MAP3K2: variants seen among roughly 807,000 people sequenced by gnomAD.
MAP3K2 encodes mitogen-activated protein kinase kinase kinase 2.
MAP3K2 carries 24 observed loss-of-function variants against 80.3 expected under a neutral mutation model. The ratio of observed to expected loss-of-function variants is 0.30; its 90% CI spans 0.22 to 0.42. The LOEUF is 0.42. MAP3K2 is among the 10% of genes least tolerant of loss of function. The pLI, the probability that MAP3K2 is intolerant of heterozygous loss-of-function variation, is 1.00. For missense variants in MAP3K2, 608 were observed against 750.1 expected, an observed-to-expected ratio of 0.81 and a Z score of 2.21; for synonymous variants, 244 against 253.7, an observed-to-expected ratio of 0.96 and a Z score of 0.36.
intron 12 of MAP3K2, 89 bp from the exon 13 acceptor site, chr2:127,318,406 T>C: frequency 1.2e-5 from 11 of 956,198 alleles, no homozygotes; most frequent in Non-Finnish European, 1.6e-5. Flanking sequence ...ATTAGTGACA[T>C]CCTTCATTGA....
intron 2 of MAP3K2, among the ~76,000 whole-genome samples, chr2:127,340,166 A>G (rs999452893): frequency 3.9e-5 from 6 of 152,220 alleles, no homozygotes; most frequent in African/African-American, 1.2e-4. Flanking sequence ...TAATTTATTA[A>G]TATTTCCAGG....
intron 1 of MAP3K2, chr2:127,378,239 C>A: frequency 1.6e-6 from 1 of 608,710 alleles, no homozygotes; most frequent in Non-Finnish European, 2.1e-6. Flanking sequence ...TGAAACAAAA[C>A]TGGTACATTA....
At chr2:127,372,634 G>A (rs1190114830) in intron 1 of MAP3K2, among the ~76,000 whole-genome samples, 2 of 152,060 alleles carry the variant, frequency 1.3e-5, no homozygotes, top group African/African-American at 4.8e-5. Flanking sequence ...TTAACCTTTG[G>A]GGACGGGACC....
At chr2:127,328,326 A>G (rs1472225514) in intron 7 of MAP3K2, among the ~76,000 whole-genome samples, 3 of 152,224 alleles carry the variant, frequency 2.0e-5, no homozygotes, top group African/African-American at 7.2e-5. Context: ...AATGACAAGT[A>G]CCGTAATGTG....
chr2:127,337,612 ACTACT>A, intron 4 of MAP3K2, 121 bp downstream of exon 4: 2 of 599,048 alleles, frequency 3.3e-6, no homozygotes, highest in African/African-American at 1.9e-5. Flanking sequence ...ATTCCCAAGG[ACTACT>A]CTATTCTCAA....
chr2:127,338,796 C>T (rs915321135), intron 3 of MAP3K2, 136 bp downstream of exon 3: 2 of 632,502 alleles, frequency 3.2e-6, no homozygotes, highest in Non-Finnish European at 5.5e-6. Context: ...CACACTCTTA[C>T]ACGAAAATGT....
Position 127,322,717 on chromosome 2 carries a change from C to A in MAP3K2, c.839-465G>T. Among the ~76,000 whole-genome samples, 1 of 151,950 alleles carries A rather than the reference C, an allele frequency of 6.6e-6. No homozygotes were observed. The highest frequency in any genetic ancestry group is 1.9e-4 in the East Asian group (1 of 5,132). On this transcript the variant is annotated intron_variant, in intron 11 of 16. Coordinates refer to ENST00000682094, the MANE Select transcript of MAP3K2 (RefSeq NM_001371910.2). The surrounding 1 kb of genome is among the most constrained non-coding windows in gnomAD (Gnocchi z 4.2). Reference sequence around the variant, plus strand: ...CAAGCGATTCTCCTGTCTCAGCCTCCCAAGTAGCTGGGATTACAGGCGCCC... The same window carrying A: ...CAAGCGATTCTCCTGTCTCAGCCTCACAAGTAGCTGGGATTACAGGCGCCC...
At chr2:127,359,517 G>A (rs992644630) in intron 1 of MAP3K2, among the ~76,000 whole-genome samples, 5 of 152,096 alleles carry the variant, frequency 3.3e-5, no homozygotes, top group East Asian at 1.9e-4. Flanking sequence ...AGTGTCAAGC[G>A]GTACAATCAC....
At chr2:127,326,182 C>G (rs944505825) in intron 8 of MAP3K2, among the ~76,000 whole-genome samples, 1 of 150,216 alleles carries the variant, frequency 6.7e-6, no homozygotes, top group Non-Finnish European at 1.5e-5. Context: ...CAAACTGAGA[C>G]TAATGACACT....
intron 2 of MAP3K2, among the ~76,000 whole-genome samples, chr2:127,342,388 G>GGTGTGTGTGT (rs56300936): frequency 0.021 from 3,035 of 147,818 alleles, 42 homozygotes; most frequent in African/African-American, 0.029. Flanking sequence ...TCTTCATGAG[G>GGTGTGTGTGT]GTGTGTGTGT....
chr2:127,353,263 T>A (rs1282400501), intron 1 of MAP3K2, among the ~76,000 whole-genome samples: 6 of 151,816 alleles, frequency 4.0e-5, no homozygotes, highest in Admixed American at 2.6e-4. Context: ...CGAGCGTCTC[T>A]GCCCGGCCGC....
chr2:127,331,870 T>G (rs1686262393), intron 5 of MAP3K2, among the ~76,000 whole-genome samples: 1 of 152,234 alleles, frequency 6.6e-6, no homozygotes, highest in Non-Finnish European at 1.5e-5. Context: ...CCTTCCAAAG[T>G]GCTGGGATTA....
At chr2:127,319,252 A>C (rs61559178) in intron 12 of MAP3K2, among the ~76,000 whole-genome samples, 11,338 of 150,940 alleles carry the variant, frequency 0.075, 653 homozygotes, top group African/African-American at 0.16. Flanking sequence ...AAAAAAAAAA[A>C]AACCCTACCC....
At chr2:127,354,733 A>T (rs991119317) in intron 1 of MAP3K2, among the ~76,000 whole-genome samples, 13 of 152,024 alleles carry the variant, frequency 8.6e-5, no homozygotes, top group African/African-American at 3.1e-4. Flanking sequence ...AAAGTACCAA[A>T]TATGAAGAGA....
chr2:127,387,885 C>T lies in MAP3K2; in HGVS notation c.-499G>A, dbSNP rs1231923474. 1.2e-5 allele frequency: 12 copies of T among 982,318 alleles called. No homozygotes were observed. Among genetic ancestry groups the T allele is most frequent in the Non-Finnish European group, 1.5e-5 (12 of 827,260 alleles). 60.9% of individuals were successfully genotyped at this position (982,318 alleles called of 1,614,324 possible). A position where few individuals can be genotyped will look rare whatever the true frequency, so the allele number is the denominator to read the frequency against. The stretch of plus-strand genomic sequence containing the variant: ...GTCGCCGCCGCGGGCCGTGCAACCC[C>T]CGAACGCTGCGCCCAGCGGCCGCGG... On this transcript the variant is annotated 5_prime_UTR_variant, in exon 1 of 17. Coordinates refer to ENST00000682094, the MANE Select transcript of MAP3K2 (RefSeq NM_001371910.2).
intron 5 of MAP3K2, among the ~76,000 whole-genome samples, chr2:127,332,821 T>C (rs895340028): frequency 1.3e-5 from 2 of 152,156 alleles, no homozygotes; most frequent in Non-Finnish European, 2.9e-5. Flanking sequence ...TAGTGAAGTA[T>C]GAAGACAGCC....
rs1001081439 is a variant in MAP3K2 at position 127,302,849 on chromosome 2, C to T, written c.*4730G>A. ...GAAGCTGCAGCATGTCTATCACAGA[C>T]AAATCCTAATGTTTCTCTCCTAACA... On this transcript the variant is annotated 3_prime_UTR_variant, in exon 17 of 17. Transcript: ENST00000682094. The T allele has an allele frequency of 6.6e-6, 1 of 152,090 alleles. No individual in the cohort carries two copies. Among genetic ancestry groups the T allele is most frequent in the African/African-American group, 2.4e-5 (1 of 41,428 alleles). 9.4% of individuals were successfully genotyped at this position (152,090 alleles called of 1,614,324 possible).
At chr2:127,375,406 AT>A (rs200517629) in intron 1 of MAP3K2, among the ~76,000 whole-genome samples, 18 of 140,320 alleles carry the variant, frequency 1.3e-4, no homozygotes, top group South Asian at 7.5e-4. Context: ...ATTATTATTT[AT>A]TTATTTATTT....
At chr2:127,385,219 T>C (rs1005812735) in intron 1 of MAP3K2, among the ~76,000 whole-genome samples, 1 of 152,224 alleles carries the variant, frequency 6.6e-6, no homozygotes, top group African/African-American at 2.4e-5. Context: ...ACTTCACTAA[T>C]GTCTTACTTT....
Sources: allele counts gnomAD v4.1 joint callset (sites outside exome capture counted in the v4.1 genomes callset), GRCh38; gene constraint gnomAD v4.1.1; non-coding constraint Gnocchi (gnomAD v3.1); transcripts MANE v1.5; gene names NCBI Gene and HGNC (gene_info 2026-07-23, HGNC 2026-07-21).